The following REDIC1 variants were observed in gnomAD, a reference collection of about 807,000 sequenced individuals.
REDIC1 encodes the protein HEI10 Interacting Protein 1.
At chr12:39,895,897 C>T in the REDIC1 span, among the ~76,000 whole-genome samples, 84 of 47,084 alleles carry the variant, frequency 1.8e-3, 26 homozygotes, top group East Asian at 8.8e-3. Context: ...TGTATATGCA[C>T]ACACATATGT....
At chr12:39,705,306 T>C in the REDIC1 span, among the ~76,000 whole-genome samples, 2 of 151,934 alleles carry the variant, frequency 1.3e-5, no homozygotes, top group African/African-American at 2.4e-5. Context: ...AGTAACTAGA[T>C]TGAAGTTGTA....
At chr12:39,733,069 G>GCACACA in the REDIC1 span, among the ~76,000 whole-genome samples, 5,967 of 148,372 alleles carry the variant, frequency 0.04, 225 homozygotes, top group African/African-American at 0.1. Context: ...GCAGAAAAAT[G>GCACACA]CACACACACA....
At chr12:39,652,239 C>T in the REDIC1 span, among the ~76,000 whole-genome samples, 1 of 152,056 alleles carries the variant, frequency 6.6e-6, no homozygotes, top group African/African-American at 2.4e-5. Context: ...TTGACATATA[C>T]TTCATTTCTC....
the REDIC1 span, among the ~76,000 whole-genome samples, chr12:39,846,188 G>GTTTTTCT: frequency 6.6e-6 from 1 of 152,082 alleles, no homozygotes; most frequent in African/African-American, 2.4e-5. Flanking sequence ...TTCTGCTCTA[G>GTTTTTCT]AAAAACCAAG....
At chr12:39,675,174 G>C in the REDIC1 span, among the ~76,000 whole-genome samples, 1 of 152,154 alleles carries the variant, frequency 6.6e-6, no homozygotes, top group Non-Finnish European at 1.5e-5. Context: ...GTGATGAACT[G>C]TATGATGCAG....
At chr12:39,706,505 C>T in the REDIC1 span, among the ~76,000 whole-genome samples, 2 of 152,010 alleles carry the variant, frequency 1.3e-5, no homozygotes, top group East Asian at 1.9e-4. Flanking sequence ...CTAAGTTATC[C>T]TAAGCAAAAC....
the REDIC1 span, among the ~76,000 whole-genome samples, chr12:39,864,075 C>T: frequency 6.6e-6 from 1 of 152,244 alleles, no homozygotes; most frequent in Admixed American, 6.5e-5. Flanking sequence ...TGAAGCTCTG[C>T]TGCCAAATAT....
At chr12:39,799,913 T>A in the REDIC1 span, among the ~76,000 whole-genome samples, 2 of 152,224 alleles carry the variant, frequency 1.3e-5, no homozygotes, top group African/African-American at 4.8e-5. Context: ...GAATAATGTG[T>A]CACCTGTCAG....
At chr12:39,660,833 C>A in the REDIC1 span, among the ~76,000 whole-genome samples, 1 of 152,096 alleles carries the variant, frequency 6.6e-6, no homozygotes, top group African/African-American at 2.4e-5. Flanking sequence ...TATCTACATC[C>A]TTCCCAGCCT....
chr12:39,649,839 G>T, the REDIC1 span, among the ~76,000 whole-genome samples: 1 of 151,826 alleles, frequency 6.6e-6, no homozygotes, highest in African/African-American at 2.4e-5. Flanking sequence ...GCAATCTAAA[G>T]TTACTCAGTA....
At chr12:39,749,299 C>T in the REDIC1 span, among the ~76,000 whole-genome samples, 1 of 152,174 alleles carries the variant, frequency 6.6e-6, no homozygotes, top group East Asian at 1.9e-4. Context: ...CACCTCTACA[C>T]AAATAAACTA....
chr12:39,866,731 G>A, the REDIC1 span, among the ~76,000 whole-genome samples: 2 of 152,212 alleles, frequency 1.3e-5, no homozygotes, highest in South Asian at 2.1e-4. Flanking sequence ...CGCCAGCCTC[G>A]GCCTCCCAAA....
the REDIC1 span, among the ~76,000 whole-genome samples, chr12:39,748,038 G>A: frequency 4.6e-5 from 7 of 152,122 alleles, no homozygotes; most frequent in African/African-American, 1.7e-4. Context: ...AAAATAACCA[G>A]CTAACATCAT....
chr12:39,742,170 G>A, the REDIC1 span, among the ~76,000 whole-genome samples: 4 of 152,072 alleles, frequency 2.6e-5, no homozygotes, highest in South Asian at 2.1e-4. Context: ...TCGGTCAGTG[G>A]GGGGATTAGG....
the REDIC1 span, among the ~76,000 whole-genome samples, chr12:39,821,342 G>A: frequency 1.3e-5 from 2 of 151,976 alleles, no homozygotes; most frequent in Non-Finnish European, 2.9e-5. Flanking sequence ...CCCGGGAGGC[G>A]GAGCTTGCAG....
At chr12:39,709,121 G>A in the REDIC1 span, among the ~76,000 whole-genome samples, 1 of 151,430 alleles carries the variant, frequency 6.6e-6, no homozygotes, top group African/African-American at 2.4e-5. Context: ...TTTATCTGTA[G>A]TGCTTTCTGA....
chr12:39,826,062 A>T, the REDIC1 span, among the ~76,000 whole-genome samples: 7 of 152,064 alleles, frequency 4.6e-5, no homozygotes, highest in Non-Finnish European at 7.4e-5. Flanking sequence ...GATACTGATT[A>T]TTTGGATTTA....
At chr12:39,729,228 C>T in the REDIC1 span, among the ~76,000 whole-genome samples, 2 of 152,096 alleles carry the variant, frequency 1.3e-5, no homozygotes, top group African/African-American at 4.8e-5. Flanking sequence ...TCTTGCTTCT[C>T]TAGTTCTTTT....
chr12:39,652,818 C>T, the REDIC1 span, among the ~76,000 whole-genome samples: 3 of 151,948 alleles, frequency 2.0e-5, no homozygotes, highest in African/African-American at 7.3e-5. Flanking sequence ...TGCTTAATTG[C>T]TTTGGCACCT....
Sources: gnomAD v4.1 joint callset for allele counts (sites outside exome capture counted in the v4.1 genomes callset) on GRCh38, gnomAD v4.1.1 for gene constraint, MANE v1.5 for transcripts, NCBI Gene and HGNC (gene_info 2026-07-23, HGNC 2026-07-21) for gene names.